TTC7A: variants seen among roughly 807,000 people sequenced by gnomAD.
TTC7A encodes the protein tetratricopeptide repeat protein 7A.
TTC7A carries 110 observed loss-of-function variants against 103.7 expected under a neutral mutation model. The ratio of observed to expected loss-of-function variants is 1.06; its 90% CI spans 0.91 to 1.24. The LOEUF is 1.24. Ranked by LOEUF, TTC7A falls within the 50% of genes most tolerant of loss-of-function variation. The pLI is 0.00. For missense variants in TTC7A, 1,340 were observed against 1,116.3 expected (o/e 1.20, Z -2.86); for synonymous variants, 521 against 467.9 (o/e 1.11, Z -1.47).
intron 5 of TTC7A, among the ~76,000 whole-genome samples, chr2:46,983,464 C>G (rs546914956): frequency 6.6e-6 from 1 of 152,236 alleles, no homozygotes; most frequent in African/African-American, 2.4e-5. Context: ...CTTGGAGCGC[C>G]CTTGTCTCCC....
intron 5 of TTC7A, among the ~76,000 whole-genome samples, chr2:46,984,652 G>A (rs1384567179): frequency 6.6e-6 from 1 of 152,094 alleles, no homozygotes; most frequent in Non-Finnish European, 1.5e-5. Context: ...AGGGAAAGAG[G>A]GAGAGAGACC....
chr2:46,964,948 G>A (rs565316716), intron 3 of TTC7A, among the ~76,000 whole-genome samples: 5 of 152,308 alleles, frequency 3.3e-5, no homozygotes, highest in Admixed American at 1.3e-4. Context: ...TGCCCCCAGC[G>A]TCAGCCTGGC....
chr2:47,042,935 G>A (rs1465187549), intron 15 of TTC7A, among the ~76,000 whole-genome samples: 6 of 152,154 alleles, frequency 3.9e-5, no homozygotes, highest in South Asian at 2.1e-4. Flanking sequence ...CCCCAGCCCC[G>A]ACTGCCAGCA....
chr2:47,052,446 G>A (rs1682943376), intron 18 of TTC7A, among the ~76,000 whole-genome samples: 1 of 152,206 alleles, frequency 6.6e-6, no homozygotes. Flanking sequence ...ACGAGCCAAT[G>A]TGTGACACAG....
At chr2:47,056,008 TC>T (rs1350268383) in intron 18 of TTC7A, among the ~76,000 whole-genome samples, 1 of 151,790 alleles carries the variant, frequency 6.6e-6, no homozygotes, top group Non-Finnish European at 1.5e-5. Flanking sequence ...AGCTTTTTCT[TC>T]CCTCCTCCCA....
intron 15 of TTC7A, among the ~76,000 whole-genome samples, chr2:47,038,629 T>TCCCCCCCCCCCCCCCCCCC (rs1558612925): frequency 2.3e-5 from 2 of 86,940 alleles, no homozygotes; most frequent in African/African-American, 4.5e-5. Flanking sequence ...TGCTGCCACT[T>TCCCCCCCCCCCCCCCCCCC]CCCACCCACC....
intron 19 of TTC7A, among the ~76,000 whole-genome samples, chr2:47,067,418 T>C (rs1349245873): frequency 6.6e-6 from 1 of 152,210 alleles, no homozygotes; most frequent in African/African-American, 2.4e-5. Flanking sequence ...GGACCATTCT[T>C]AGTGTGGGAT....
At chr2:46,970,215 C>G (rs988866674) in intron 3 of TTC7A, among the ~76,000 whole-genome samples, 4 of 152,174 alleles carry the variant, frequency 2.6e-5, no homozygotes, top group Non-Finnish European at 4.4e-5. Context: ...TCTCAAACTC[C>G]TAAGGTCAAG....
At chr2:47,053,543 T>TTGTTTGGTTGG (rs56072760) in intron 18 of TTC7A, among the ~76,000 whole-genome samples, 1 of 140,138 alleles carries the variant, frequency 7.1e-6, no homozygotes, top group African/African-American at 2.8e-5. Context: ...TGTTTGTTTG[T>TTGTTTGGTTGG]TTGGTTGGTT....
chr2:47,051,844 CT>C lies in TTC7A; in HGVS notation c.2117del (p.Leu706ArgfsTer52). The C allele has an allele frequency of 6.2e-7, 1 of 1,612,094 alleles. No homozygotes were observed. Among genetic ancestry groups the C allele is most frequent in the South Asian group, 1.1e-5 (1 of 90,964 alleles). ...SSVLKQGPMQLWTTLEQIWLQ... is the reference protein window; with the variant it reads ...SSVLKQGPMQXWTTLEQIWLQ... The stretch of plus-strand genomic sequence containing the variant: ...GGTCCTGAAGCAGGGCCCCATGCAG[CT>C]GTGGACCACGCTGGAACAGATCTGG... On this transcript the variant is annotated frameshift_variant, in exon 18 of 20. Coordinates refer to ENST00000319190, the MANE Select transcript of TTC7A (RefSeq NM_020458.4). LOFTEE classifies it high-confidence loss of function.
chr2:47,046,427 C>T lies in TTC7A; in HGVS notation c.1915C>T (p.Leu639=). 6.2e-7 allele frequency: 1 copy of T among 1,613,618 alleles called. No homozygotes were observed. The highest frequency in any genetic ancestry group is 8.5e-7 in the Non-Finnish European group (1 of 1,179,556). The change falls in exon 16 of 20, where the codon CTG becomes TTG. Residue 639 remains leucine, a synonymous_variant. Coordinates refer to ENST00000319190, the MANE Select transcript of TTC7A (RefSeq NM_020458.4). ...LWQTLYSFSQ[L]GGLEKDGSFG... The stretch of plus-strand genomic sequence containing the variant: ...GCAGACCCTGTACAGCTTCTCCCAG[C>T]TGGGGTGAGTGGCCGTCATTGTCTC...
chr2:46,950,640 C>G, intron 2 of TTC7A, 114 bp downstream of exon 2: 1 of 1,218,518 alleles, frequency 8.2e-7, no homozygotes, highest in Non-Finnish European at 1.1e-6. Context: ...CTCTTACAAG[C>G]TGCCCTTGCA....
intron 19 of TTC7A, among the ~76,000 whole-genome samples, chr2:47,064,076 C>T (rs1684000341): frequency 6.6e-6 from 1 of 152,254 alleles, no homozygotes; most frequent in African/African-American, 2.4e-5. Context: ...GGTTCTAGCC[C>T]TGCTCTGGGT....
intron 6 of TTC7A, 27 bp downstream of exon 6, chr2:46,993,555 C>A: frequency 6.2e-7 from 1 of 1,609,418 alleles, no homozygotes; most frequent in Non-Finnish European, 8.5e-7. Context: ...GCAGTGCTGG[C>A]TTATTTAGGA....
chr2:47,058,976 G>C (rs1458712322), intron 18 of TTC7A, among the ~76,000 whole-genome samples: 1 of 150,570 alleles, frequency 6.6e-6, no homozygotes, highest in African/African-American at 2.5e-5. Flanking sequence ...TCTCAGTGAG[G>C]GAATGGAGTG....
chr2:47,029,118 G>A, intron 14 of TTC7A, 106 bp from the exon 15 acceptor site: 1 of 1,358,960 alleles, frequency 7.4e-7, no homozygotes, highest in Non-Finnish European at 1.0e-6. Context: ...AGTGCCTGGG[G>A]CTCCCTTGAG....
chr2:47,029,061 C>T (rs909314928), intron 14 of TTC7A, among the ~76,000 whole-genome samples, 163 bp from the exon 15 acceptor site: 1 of 152,216 alleles, frequency 6.6e-6, no homozygotes, highest in Non-Finnish European at 1.5e-5. Flanking sequence ...CCCTCCTCGC[C>T]AGGCCATCTG....
chr2:47,022,046 A>C, intron 12 of TTC7A, 67 bp downstream of exon 12: 1 of 1,194,272 alleles, frequency 8.4e-7, no homozygotes, highest in Non-Finnish European at 1.2e-6. Context: ...CCTCAGAGGC[A>C]TCTTGTCCTA....
intron 16 of TTC7A, chr2:47,047,422 G>T: frequency 1.2e-6 from 1 of 848,572 alleles, no homozygotes; most frequent in Non-Finnish European, 1.9e-6. Context: ...GGACCAGTGG[G>T]CGGAAGCTGC....
Sources: gnomAD v4.1 joint callset for allele counts (sites outside exome capture counted in the v4.1 genomes callset) on GRCh38, gnomAD v4.1.1 for gene constraint, MANE v1.5 for transcripts, NCBI Gene and HGNC (gene_info 2026-07-23, HGNC 2026-07-21) for gene names.